CCDC149: variants seen among roughly 807,000 people sequenced by gnomAD.
The protein encoded by CCDC149 is coiled-coil domain-containing protein 149.
In CCDC149, 45 loss-of-function variants were observed where a neutral mutation model predicts 59.9. The ratio of observed to expected loss-of-function variants is 0.75; its 90% confidence interval spans 0.59 to 0.96. CCDC149 has a LOEUF of 0.96. Ranked by LOEUF, CCDC149 falls within the 40% of genes least tolerant of loss-of-function variation. CCDC149 has a pLI of 0.00. For missense variants in CCDC149, 584 were observed against 664.7 expected, an observed-to-expected ratio of 0.88 and a Z score of 1.33; for synonymous variants, 245 against 260.6, an observed-to-expected ratio of 0.94 and a Z score of 0.58.
chr4:24,977,642 G>A (rs1195658864), intron 1 of CCDC149, among the ~76,000 whole-genome samples: 2 of 152,190 alleles, frequency 1.3e-5, no homozygotes, highest in African/African-American at 4.8e-5. Context: ...CAGCACTGGA[G>A]TCCAGCTCTA....
At chr4:24,906,561 C>A (rs930937016) in intron 1 of CCDC149, among the ~76,000 whole-genome samples, 2 of 151,772 alleles carry the variant, frequency 1.3e-5, no homozygotes, top group African/African-American at 4.8e-5. Flanking sequence ...CTACGCCCAG[C>A]TGATTTTTGC....
intron 3 of CCDC149, among the ~76,000 whole-genome samples, chr4:24,872,034 T>A (rs553207309): frequency 2.0e-5 from 3 of 152,246 alleles, no homozygotes; most frequent in Admixed American, 6.5e-5. Context: ...AAGTAACATA[T>A]AAGAAACCTC....
At chr4:24,876,012 A>T (rs911556440) in intron 2 of CCDC149, among the ~76,000 whole-genome samples, 2 of 152,112 alleles carry the variant, frequency 1.3e-5, no homozygotes, top group East Asian at 3.9e-4. Flanking sequence ...TCGTGTGATG[A>T]AATCTTGCAC....
intron 1 of CCDC149, among the ~76,000 whole-genome samples, chr4:24,907,962 G>A (rs913754258): frequency 1.5e-4 from 23 of 152,184 alleles, no homozygotes; most frequent in East Asian, 3.9e-4. Context: ...GCCTTCTTCC[G>A]TCTGTGTCTT....
At chr4:24,939,542 G>A (rs1387433736) in intron 1 of CCDC149, among the ~76,000 whole-genome samples, 5 of 152,234 alleles carry the variant, frequency 3.3e-5, no homozygotes, top group Non-Finnish European at 5.9e-5. Context: ...AAAGCTGGAT[G>A]GAGAATGACT....
chr4:24,935,658 C>T (rs758079549), intron 1 of CCDC149, among the ~76,000 whole-genome samples: 15 of 152,106 alleles, frequency 9.9e-5, no homozygotes, highest in Admixed American at 2.0e-4. Context: ...TTACCAGACA[C>T]CAAATCTGCA....
chr4:24,945,722 A>G (rs940562460), intron 1 of CCDC149, among the ~76,000 whole-genome samples: 2 of 151,654 alleles, frequency 1.3e-5, no homozygotes, highest in African/African-American at 2.4e-5. Flanking sequence ...CCCAGGTTCA[A>G]GCGATTCTCC....
chr4:24,888,358 C>T (rs150667544), intron 1 of CCDC149, among the ~76,000 whole-genome samples: 3 of 151,784 alleles, frequency 2.0e-5, no homozygotes, highest in African/African-American at 7.3e-5. Flanking sequence ...TCTCATTTAG[C>T]ATCATGCTTT....
At chr4:24,925,680 A>G (rs1398737944) in intron 1 of CCDC149, among the ~76,000 whole-genome samples, 1 of 152,212 alleles carries the variant, frequency 6.6e-6, no homozygotes, top group Non-Finnish European at 1.5e-5. Context: ...AAGAAGGTCT[A>G]CAAGACAAAC....
chr4:24,965,080 A>G lies in CCDC149; in HGVS notation c.-65+14989T>C, dbSNP rs1043271230. 9.9e-5 allele frequency among the ~76,000 whole-genome samples: 15 copies of G among 151,334 alleles called. 3 individuals carry two copies. Among genetic ancestry groups the G allele is most frequent in the African/African-American group, 3.2e-4 (13 of 40,754 alleles). Reference sequence around the variant, plus strand: ...TTCTCTAAGCAGAAAGAAAATGATAATAGAAGACAGTTTTGAACTTCAGAA... The same window carrying G: ...TTCTCTAAGCAGAAAGAAAATGATAGTAGAAGACAGTTTTGAACTTCAGAA... On this transcript the variant is annotated intron_variant, in intron 1 of 12. Transcript: ENST00000389609.
rs114825068 is a variant in CCDC149, at chr4:24,929,578, C to T, written c.-64-34460G>A. Among the ~76,000 whole-genome samples, 526 of 152,336 alleles carry T rather than the reference C, an allele frequency of 3.5e-3. 2 individuals are homozygous for T. Among genetic ancestry groups the T allele is most frequent in the African/African-American group, 0.012 (510 of 41,578 alleles). ...ATGGAGAGTTTGAAAGATCAGACCT[C>T]AACACCCTTTTCCAACGTAAACTCT... On this transcript the variant is annotated intron_variant, in intron 1 of 12. Coordinates refer to the CCDC149 transcript ENST00000389609.
downstream of CCDC149, among the ~76,000 whole-genome samples, chr4:24,805,187 CT>C (rs1458037498): frequency 2.0e-5 from 3 of 152,194 alleles, no homozygotes; most frequent in Non-Finnish European, 4.4e-5. Flanking sequence ...TGCAAACAAG[CT>C]TTCATTAAGA....
chr4:24,921,952 T>A (rs530769031), intron 1 of CCDC149, among the ~76,000 whole-genome samples: 4 of 152,280 alleles, frequency 2.6e-5, no homozygotes, highest in South Asian at 4.2e-4. Flanking sequence ...GTCTCAAAGT[T>A]CTGGAGACTA....
At position 24,837,124 on chromosome 4, in the gene CCDC149, G is replaced by A. The variant is rs1421614172; in HGVS notation, c.662+104C>T. On this transcript the variant is annotated intron_variant, in intron 6 of 12. Transcript: ENST00000635206. The surrounding 1 kb of genome is among the most constrained non-coding windows in gnomAD (Gnocchi z 4.3). ...GGAGTGAGTTTCTTTTCACTTGTAA[G>A]GCAATTTTCTCCAAAATAAATAGGG... 3 of 1,102,278 alleles carry A rather than the reference G, an allele frequency of 2.7e-6. No individual in the cohort carries two copies. The highest frequency in any genetic ancestry group is 3.9e-6 in the Non-Finnish European group (3 of 776,424). 68.3% of individuals were successfully genotyped at this position (1,102,278 alleles called of 1,614,324 possible).
chr4:24,873,433 C>T (rs1020818731), intron 3 of CCDC149, among the ~76,000 whole-genome samples: 1 of 152,240 alleles, frequency 6.6e-6, no homozygotes, highest in Non-Finnish European at 1.5e-5. Flanking sequence ...TCAACTCTAT[C>T]TCCCATCAGG....
rs549280105 is a variant in CCDC149, at chr4:24,869,926, G to A, written c.264+3755C>T. Among the ~76,000 whole-genome samples, 16 of 152,288 alleles carry A rather than the reference G, an allele frequency of 1.1e-4. No homozygotes were observed. In the South Asian group the frequency reaches 1.7e-3, roughly 16 times the overall value. On this transcript the variant is annotated intron_variant, in intron 3 of 12. Transcript: ENST00000635206. ...TGAGTGTATAGCAGCCCCCTGGTGC[G>A]TGCTATTAGACCAGGAATGGGAGCA...
intron 1 of CCDC149, among the ~76,000 whole-genome samples, chr4:24,895,971 A>G (rs1720823582): frequency 6.6e-6 from 1 of 152,240 alleles, no homozygotes; most frequent in African/African-American, 2.4e-5. Context: ...TAGCAGAAGC[A>G]GAGATGAGGA....
chr4:24,834,986 C>A lies in CCDC149; in HGVS notation c.782G>T (p.Ser261Ile). ...CAGGACTCCTGTCAGAGCACTGCTG[C>A]TGGATTTACCCTGGCCCTTCGAGTT... The change falls in exon 8 of 13, where the codon AGC becomes ATC. Residue 261 changes from serine to isoleucine, a missense_variant. Ser to Ile is a moderately radical substitution (Grantham distance 142, BLOSUM62 -2). Transcript: ENST00000635206. The A allele has an allele frequency of 6.2e-7, 1 of 1,614,066 alleles. No homozygotes were observed. The highest frequency in any genetic ancestry group is 8.5e-7 in the Non-Finnish European group (1 of 1,179,970).
chr4:24,899,961 T>C (rs548191590), intron 1 of CCDC149, among the ~76,000 whole-genome samples: 1 of 152,292 alleles, frequency 6.6e-6, no homozygotes, highest in South Asian at 2.1e-4. Flanking sequence ...GCCATCTCTA[T>C]TCCTTCTGTC....
Sources: allele counts gnomAD v4.1 joint callset (sites outside exome capture counted in the v4.1 genomes callset), GRCh38; gene constraint gnomAD v4.1.1; non-coding constraint Gnocchi (gnomAD v3.1); transcripts MANE v1.5; gene names NCBI Gene and HGNC (gene_info 2026-07-23, HGNC 2026-07-21).